MYO5B: variants seen among roughly 807,000 people sequenced by gnomAD.
MYO5B encodes the protein myosin VB.
A neutral mutation model predicts 229.3 loss-of-function variants in MYO5B; 143 were observed. The ratio of observed to expected loss-of-function variants is 0.62; its 90% CI spans 0.54 to 0.72. The LOEUF (loss-of-function observed/expected upper bound fraction) is 0.72, where lower values mean the gene tolerates loss of function less well. Ranked by LOEUF, MYO5B falls within the 30% of genes least tolerant of loss-of-function variation. The probability of loss-of-function intolerance (pLI) is 0.00; values close to 1 mark genes in which losing one functional copy is unlikely to be tolerated. For missense variants in MYO5B, 2,321 were observed against 2,331.0 expected (o/e 1.00, Z 0.09); for synonymous variants, 918 against 885.2 (o/e 1.04, Z -0.66).
chr18:49,850,591 C>T (rs2024188052), intron 31 of MYO5B: 1 of 152,186 alleles, frequency 6.6e-6, no homozygotes. Context: ...ACCGTAAAAC[C>T]TTATTCAGTG....
chr18:50,091,721 C>T (rs1343668029), intron 1 of MYO5B, among the ~76,000 whole-genome samples: 1 of 152,210 alleles, frequency 6.6e-6, no homozygotes, highest in African/African-American at 2.4e-5. Context: ...CACCCTGTTA[C>T]ATGTATCTCA....
intron 5 of MYO5B, among the ~76,000 whole-genome samples, chr18:49,993,531 C>G (rs972795341): frequency 5.3e-5 from 8 of 152,120 alleles, no homozygotes; most frequent in African/African-American, 1.9e-4. Context: ...CAGGGAGGCG[C>G]TGAGTTATAC....
chr18:49,938,747 T>G (rs1435605591), intron 14 of MYO5B, among the ~76,000 whole-genome samples: 5 of 152,186 alleles, frequency 3.3e-5, no homozygotes, highest in Non-Finnish European at 5.9e-5. Context: ...ATAGGCACAA[T>G]GCTCACTACT....
intron 17 of MYO5B, among the ~76,000 whole-genome samples, chr18:49,924,022 A>T (rs1482921844): frequency 2.6e-5 from 4 of 152,168 alleles, no homozygotes; most frequent in African/African-American, 9.7e-5. Context: ...TTTCTTGTAC[A>T]GTGATCCTCA....
chr18:49,925,725 G>A (rs1429280231), intron 17 of MYO5B, among the ~76,000 whole-genome samples: 1 of 152,170 alleles, frequency 6.6e-6, no homozygotes, highest in Non-Finnish European at 1.5e-5. Flanking sequence ...CGTGGAAGAT[G>A]GTTTGAAAAC....
chr18:49,962,367 G>T lies in MYO5B; in HGVS notation c.1444C>A (p.Gln482Lys), dbSNP rs2025569344. 1.1e-5 allele frequency: 18 copies of T among 1,614,176 alleles called. No individual in the cohort carries two copies. Among genetic ancestry groups the T allele is most frequent in the South Asian group, 3.3e-5 (3 of 91,076 alleles). Residue 482 changes from glutamine to lysine, a missense_variant, in exon 12 of 40, where the codon CAG becomes AAG. Around this residue, in one of 2 missense-constraint regions of MYO5B, gnomAD observed 2,113 missense variants for 2,044.7 expected, o/e 1.03. Transcript: ENST00000285039. ...AAATCAATCAGGGTCCAAGGGATCT[G>T]TTCCTTCATGTATTCTTCTTGCTCC... is the stretch of plus-strand genomic sequence containing the variant. ...KLEQEEYMKEQIPWTLIDFYD... is the reference protein window; with the variant it reads ...KLEQEEYMKEKIPWTLIDFYD...
intron 1 of MYO5B, among the ~76,000 whole-genome samples, chr18:50,174,614 G>A (rs2032969621): frequency 6.6e-6 from 1 of 152,204 alleles, no homozygotes. Flanking sequence ...CGACACTGCT[G>A]TTAAGAAGAG....
chr18:50,006,967 A>G (rs980901195), intron 4 of MYO5B, among the ~76,000 whole-genome samples: 1 of 152,214 alleles, frequency 6.6e-6, no homozygotes, highest in African/African-American at 2.4e-5. Context: ...AGCATCTCAG[A>G]GATGACAAAG....
intron 35 of MYO5B, chr18:49,839,829 G>T (rs1258073318): frequency 5.7e-6 from 1 of 176,038 alleles, no homozygotes; most frequent in Non-Finnish European, 1.2e-5. Flanking sequence ...TTAATCAGAT[G>T]AAATCACATG....
intron 1 of MYO5B, among the ~76,000 whole-genome samples, chr18:50,060,802 G>A (rs2030668284): frequency 6.6e-6 from 1 of 152,136 alleles, no homozygotes; most frequent in African/African-American, 2.4e-5. Flanking sequence ...ACCACCTAGG[G>A]AGCTTTCACA....
intron 1 of MYO5B, among the ~76,000 whole-genome samples, chr18:50,133,698 CAGACTCTGATCTTTAACAGAATCACCT>C (rs1177869189): frequency 2.0e-4 from 30 of 152,308 alleles, no homozygotes; most frequent in Non-Finnish European, 4.0e-4. Flanking sequence ...CAGTGGCTGT[CAGACTCTGATCTTTAACAGAATCACCT>C]GGGGCACTTG....
At chr18:50,067,579 TA>T (rs1479020156) in intron 1 of MYO5B, among the ~76,000 whole-genome samples, 2 of 152,284 alleles carry the variant, frequency 1.3e-5, no homozygotes, top group African/African-American at 4.8e-5. Context: ...ATGAATAGAT[TA>T]ATGCCCTCCA....
At chr18:49,886,112 G>C (rs1009649450) in intron 22 of MYO5B, among the ~76,000 whole-genome samples, 2 of 152,042 alleles carry the variant, frequency 1.3e-5, no homozygotes, top group African/African-American at 4.8e-5. Context: ...GCTAATTTTT[G>C]TATTTTTAGT....
At chr18:49,954,036 G>T (rs1365166099) in intron 13 of MYO5B, among the ~76,000 whole-genome samples, 1 of 139,684 alleles carries the variant, frequency 7.2e-6, no homozygotes, top group Non-Finnish European at 1.5e-5. Context: ...GTGTGTGTGT[G>T]TGTGTGTGTG....
chr18:50,095,049 C>T (rs925373000), intron 1 of MYO5B, among the ~76,000 whole-genome samples: 2 of 152,116 alleles, frequency 1.3e-5, no homozygotes, highest in African/African-American at 2.4e-5. Flanking sequence ...AGGCTGGTCT[C>T]GAACTCCTGG....
intron 17 of MYO5B, among the ~76,000 whole-genome samples, chr18:49,914,751 G>A (rs920689947): frequency 1.4e-5 from 2 of 142,672 alleles, no homozygotes; most frequent in Non-Finnish European, 3.0e-5. Flanking sequence ...CTGCACTCCA[G>A]CCTGAGTAAC....
At chr18:49,947,878 T>C (rs1363469232) in intron 14 of MYO5B, among the ~76,000 whole-genome samples, 1 of 152,114 alleles carries the variant, frequency 6.6e-6, no homozygotes, top group East Asian at 1.9e-4. Flanking sequence ...TAAAGGCCAT[T>C]TGGCAGTTTA....
intron 33 of MYO5B, among the ~76,000 whole-genome samples, chr18:49,846,304 G>C (rs1007359172): frequency 6.6e-6 from 1 of 152,144 alleles, no homozygotes; most frequent in South Asian, 2.1e-4. Flanking sequence ...GGCCTGGCAC[G>C]GAGCCCGAGA....
At chr18:49,962,245 A>C in intron 12 of MYO5B, 21 bp downstream of exon 12, 3 of 1,614,064 alleles carry the variant, frequency 1.9e-6, no homozygotes, top group Non-Finnish European at 2.5e-6. Context: ...GAATTGAACT[A>C]ATTTGCATCA....
Sources: gnomAD v4.1 joint callset for allele counts (sites outside exome capture counted in the v4.1 genomes callset) on GRCh38, gnomAD v4.1.1 for gene constraint, gnomAD v4.1.1 regional missense constraint, MANE v1.5 for transcripts, NCBI Gene and HGNC (gene_info 2026-07-23, HGNC 2026-07-21) for gene names.